AGBL1: variants seen among roughly 807,000 people sequenced by gnomAD.
AGBL1 encodes cytosolic carboxypeptidase 4.
A neutral mutation model predicts 118.9 loss-of-function variants in AGBL1; 130 were observed. The ratio of observed to expected loss-of-function variants is 1.09; its 90% CI spans 0.95 to 1.26. The LOEUF is 1.26. AGBL1 is among the 50% of genes most tolerant of loss of function. The pLI is 0.00. For synonymous variants in AGBL1, 555 were observed against 478.9 expected (o/e 1.16, Z -2.08); for missense variants, 1,584 against 1,298.1 (o/e 1.22, Z -3.38).
In AGBL1 at chr15:86,833,775, A is replaced by G. The variant is rs181213134; in HGVS notation, c.3159-73312A>G. ...TGAGAACATGCCCAGAATCAACAAG[A>G]GTACATAGTGCTATGTCCCCAGTAC... On this transcript the variant is annotated intron_variant, in intron 22 of 22. Coordinates refer to ENST00000614907, the MANE Select transcript of AGBL1 (RefSeq NM_001386094.1). Among the ~76,000 whole-genome samples, 53 of 152,288 alleles carry G rather than the reference A, an allele frequency of 3.5e-4. 1 individual carries two copies. The highest frequency in any genetic ancestry group is 1.8e-3 in the Admixed American group (27 of 15,298).
intron 22 of AGBL1, among the ~76,000 whole-genome samples, chr15:86,832,181 G>A (rs1212906798): frequency 6.6e-6 from 1 of 152,216 alleles, no homozygotes; most frequent in Non-Finnish European, 1.5e-5. Flanking sequence ...CCCCAGGTCT[G>A]TGATGGAAAG....
chr15:86,758,860 C>G (rs1269716372), intron 22 of AGBL1, among the ~76,000 whole-genome samples: 1 of 150,220 alleles, frequency 6.7e-6, no homozygotes, highest in Non-Finnish European at 1.5e-5. Flanking sequence ...GGAGTCCCAG[C>G]TACTCAGGAG....
chr15:86,542,105 G>T (rs2083506498), intron 19 of AGBL1, among the ~76,000 whole-genome samples: 4 of 152,218 alleles, frequency 2.6e-5, no homozygotes, highest in Admixed American at 2.6e-4. Flanking sequence ...GTGGTTGAAT[G>T]AATGTTGTGC....
chr15:86,842,293 T>C (rs1047533517), intron 22 of AGBL1, among the ~76,000 whole-genome samples: 1 of 151,878 alleles, frequency 6.6e-6, no homozygotes, highest in Non-Finnish European at 1.5e-5. Context: ...TTTATTGAAA[T>C]GGTGGTATAG....
At chr15:86,684,463 C>CTTTTTTTTTTTTTTTTT (rs11436174) in intron 22 of AGBL1, among the ~76,000 whole-genome samples, 2 of 145,998 alleles carry the variant, frequency 1.4e-5, no homozygotes, top group Non-Finnish European at 1.5e-5. Context: ...ATAGTTCTCT[C>CTTTTTTTTTTTTTTTTT]TTTTTTTTTT....
At chr15:86,465,299 C>T (rs1236595255) in intron 18 of AGBL1, among the ~76,000 whole-genome samples, 2 of 152,286 alleles carry the variant, frequency 1.3e-5, no homozygotes, top group East Asian at 3.9e-4. Context: ...ATCTCTCAAT[C>T]CTGTCATCTT....
chr15:86,934,239 T>G (rs920381675), intron 23 of AGBL1, among the ~76,000 whole-genome samples: 2 of 152,208 alleles, frequency 1.3e-5, no homozygotes, highest in African/African-American at 4.8e-5. Flanking sequence ...GTGAGTGCTG[T>G]TAACCCAATG....
intron 22 of AGBL1, among the ~76,000 whole-genome samples, chr15:86,774,969 T>C (rs1477001053): frequency 6.6e-6 from 1 of 152,144 alleles, no homozygotes; most frequent in Admixed American, 6.6e-5. Flanking sequence ...GGAAGCAAAC[T>C]CATGTTTGTA....
intron 17 of AGBL1, among the ~76,000 whole-genome samples, chr15:86,324,856 G>A (rs1011056922): frequency 6.6e-6 from 1 of 152,162 alleles, no homozygotes; most frequent in Non-Finnish European, 1.5e-5. Context: ...TGGGGAAGAG[G>A]GTTAGAGGAA....
intron 1 of AGBL1, chr15:86,138,439 T>C (rs1464678168): frequency 6.6e-6 from 1 of 152,246 alleles, no homozygotes; most frequent in Non-Finnish European, 1.5e-5. Flanking sequence ...TCACAGCCCT[T>C]GCTGTCTTGG....
chr15:86,945,244 T>TAAAA (rs11326362), intron 23 of AGBL1, among the ~76,000 whole-genome samples: 10 of 70,776 alleles, frequency 1.4e-4, no homozygotes, highest in East Asian at 8.4e-4. Context: ...ACCCCATCAC[T>TAAAA]AAAAAAAAAA....
chr15:86,191,387 A>G (rs75240075), intron 5 of AGBL1, among the ~76,000 whole-genome samples: 3,678 of 150,272 alleles, frequency 0.024, 68 homozygotes, highest in East Asian at 0.069. Context: ...GAGAGAAATT[A>G]AGAGCACAAA....
chr15:86,345,219 T>A (rs980916413), intron 17 of AGBL1, among the ~76,000 whole-genome samples: 27 of 134,522 alleles, frequency 2.0e-4, no homozygotes, highest in Non-Finnish European at 9.2e-5. Context: ...TAGACAAGAC[T>A]TTTTTTTTTT....
At chr15:86,189,395 A>G (rs1443928588) in intron 5 of AGBL1, among the ~76,000 whole-genome samples, 1 of 152,226 alleles carries the variant, frequency 6.6e-6, no homozygotes, top group African/African-American at 2.4e-5. Flanking sequence ...TAAATAAAAT[A>G]TTAAGTATTC....
intron 24 of AGBL1, among the ~76,000 whole-genome samples, chr15:87,006,078 G>C (rs1161436681): frequency 6.6e-6 from 1 of 152,200 alleles, no homozygotes; most frequent in African/African-American, 2.4e-5. Context: ...AGAGTACCCA[G>C]CCGTTTGAGG....
chr15:86,172,006 T>TAAGAATGTTA (rs2077423042), intron 5 of AGBL1, among the ~76,000 whole-genome samples: 1 of 152,154 alleles, frequency 6.6e-6, no homozygotes, highest in African/African-American at 2.4e-5. Context: ...TGCAAAGTCA[T>TAAGAATGTTA]AAGAATGTTA....
At chr15:86,524,659 G>A (rs1208802840) in intron 19 of AGBL1, among the ~76,000 whole-genome samples, 1 of 152,176 alleles carries the variant, frequency 6.6e-6, no homozygotes, top group Non-Finnish European at 1.5e-5. Flanking sequence ...CCCACCATAA[G>A]TCACATTGTT....
chr15:86,892,132 C>G (rs1318305661), intron 22 of AGBL1, among the ~76,000 whole-genome samples: 2 of 152,102 alleles, frequency 1.3e-5, no homozygotes, highest in Non-Finnish European at 2.9e-5. Context: ...CTAAACAGGT[C>G]AAACACCGTC....
Position 86,525,666 on chromosome 15 carries a change from G to T in AGBL1, c.2685+2727G>T, listed in dbSNP as rs75782050. On this transcript the variant is annotated intron_variant, in intron 19 of 22. Coordinates refer to ENST00000614907, the MANE Select transcript of AGBL1 (RefSeq NM_001386094.1). The stretch of plus-strand genomic sequence containing the variant: ...TGGGAAAATTGGATAGCCACATGTA[G>T]AAGAATGAACCTGGATCCCTGTCTC... Among the ~76,000 whole-genome samples, 681 of 152,182 alleles carry T rather than the reference G, an allele frequency of 4.5e-3. 4 individuals carry two copies. Among genetic ancestry groups the T allele is most frequent in the African/African-American group, 0.016 (655 of 41,526 alleles).
Sources: allele counts gnomAD v4.1 joint callset (sites outside exome capture counted in the v4.1 genomes callset), GRCh38; gene constraint gnomAD v4.1.1; transcripts MANE v1.5; gene names NCBI Gene and HGNC (gene_info 2026-07-23, HGNC 2026-07-21).